The following ECE1 variants were observed in gnomAD, a reference collection of about 807,000 sequenced individuals.
ECE1 encodes the protein endothelin-converting enzyme 1.
ECE1 carries 35 observed loss-of-function variants against 98.6 expected under a neutral mutation model. That is an observed-to-expected ratio of 0.35 (90% CI 0.27 to 0.47). The LOEUF is 0.47. Among genes scored for constraint, ECE1 ranks in the 20% least tolerant of loss-of-function variants. The pLI is 1.00. For missense variants in ECE1, 814 were observed against 1,025.3 expected, an observed-to-expected ratio of 0.79 and a Z score of 2.81; for synonymous variants, 394 against 407.1, an observed-to-expected ratio of 0.97 and a Z score of 0.39.
chr1:21,330,810 G>A (rs748464461), intron 1 of ECE1, among the ~76,000 whole-genome samples: 1 of 152,082 alleles, frequency 6.6e-6, no homozygotes, highest in South Asian at 2.1e-4. Context: ...GTCCCTATCC[G>A]CTCACCCCTG....
chr1:21,283,425 C>T (rs2098257232), intron 2 of ECE1, among the ~76,000 whole-genome samples: 1 of 152,042 alleles, frequency 6.6e-6, no homozygotes, highest in African/African-American at 2.4e-5. Flanking sequence ...TGTCCGCCAC[C>T]ACGCCGGGCT....
chr1:21,251,733 C>A (rs1265604801), intron 8 of ECE1, among the ~76,000 whole-genome samples: 2 of 152,160 alleles, frequency 1.3e-5, no homozygotes, highest in African/African-American at 4.8e-5. Flanking sequence ...GGATCAGCAT[C>A]CCCAGGAGGA....
chr1:21,345,182 G>T lies in ECE1; in HGVS notation c.3+194C>A. 4.2e-6 allele frequency: 3 copies of T among 708,606 alleles called. No individual in the cohort carries two copies. Among genetic ancestry groups the T allele is most frequent in the Non-Finnish European group, 5.5e-6 (3 of 543,520 alleles). The allele number at this position is 708,606 out of a possible 1,614,324, so 43.9% of individuals were successfully genotyped here. On this transcript the variant is annotated intron_variant, in intron 1 of 18. Coordinates refer to the ECE1 transcript ENST00000415912. This position sits in a 1 kb window ranked among gnomAD's most constrained non-coding sequence, Gnocchi z 5.1. ...CGCCCCCGACGGGACCAAGCGCAGCGCCGCCGGGAGAGCCGCGCTCTGCCC... is the reference window on the plus strand; with the variant it reads ...CGCCCCCGACGGGACCAAGCGCAGCTCCGCCGGGAGAGCCGCGCTCTGCCC...
Position 21,220,034 on chromosome 1 carries a change from T to C in ECE1, c.2234A>G (p.Asn745Ser). 6.2e-7 allele frequency: 1 copy of C among 1,614,044 alleles called. No homozygotes were observed. The highest frequency in any genetic ancestry group is 8.5e-7 in the Non-Finnish European group (1 of 1,180,004). ...GAAGTGTTCTGAGAACTCCTTGGAA[T>C]TGGAGAGGGAGCCGATGACCCGGAA... Reference protein sequence around the residue: ...SRFRVIGSLSNSKEFSEHFRC... With the variant: ...SRFRVIGSLSSSKEFSEHFRC... Residue 745 changes from asparagine to serine, a missense_variant, in exon 19 of 19, where the codon AAT becomes AGT. This residue lies in a region of ECE1 where 452 missense variants were observed against 567.3 expected (regional missense o/e 0.80). Transcript: ENST00000374893. The surrounding 1 kb of genome is among the most constrained non-coding windows in gnomAD (Gnocchi z 5.0).
intron 14 of ECE1, among the ~76,000 whole-genome samples, chr1:21,229,425 A>G (rs1558369328): frequency 6.6e-6 from 1 of 151,886 alleles, no homozygotes; most frequent in East Asian, 1.9e-4. Context: ...CTTTCCTGGA[A>G]CCCTGTTGGT....
intron 4 of ECE1, among the ~76,000 whole-genome samples, chr1:21,263,080 A>G (rs2098229147): frequency 6.6e-6 from 1 of 152,200 alleles, no homozygotes. Flanking sequence ...AGGGAAGCCA[A>G]GCAAGGCCCC....
chr1:21,325,671 C>T (rs1639062661), intron 1 of ECE1, among the ~76,000 whole-genome samples: 1 of 152,254 alleles, frequency 6.6e-6, no homozygotes, highest in Non-Finnish European at 1.5e-5. Flanking sequence ...CAATAGGACC[C>T]ACTTCCTTGG....
At chr1:21,334,006 G>A (rs991726713) in intron 1 of ECE1, among the ~76,000 whole-genome samples, 58 of 152,262 alleles carry the variant, frequency 3.8e-4, no homozygotes, top group Admixed American at 1.4e-3. Context: ...GGAGAAAACC[G>A]AGGCTCAGAG....
chr1:21,240,460 C>A (rs2098194659), intron 10 of ECE1, among the ~76,000 whole-genome samples: 1 of 152,180 alleles, frequency 6.6e-6, no homozygotes, highest in Non-Finnish European at 1.5e-5. Context: ...GCACTCCAGC[C>A]TGGGTGACAG....
intron 1 of ECE1, among the ~76,000 whole-genome samples, chr1:21,308,737 T>TACTGGGTA (rs138426324): frequency 0.06 from 9,100 of 151,960 alleles, 944 homozygotes; most frequent in African/African-American, 0.21. Flanking sequence ...GGGGCTTGAG[T>TACTGGGTA]CTGGGTACTG....
At chr1:21,324,339 G>A (rs575344788) in intron 1 of ECE1, among the ~76,000 whole-genome samples, 1 of 152,342 alleles carries the variant, frequency 6.6e-6, no homozygotes, top group South Asian at 2.1e-4. Context: ...GAGGAAGCAG[G>A]GGGCAGAGGC....
In ECE1 at chr1:21,319,217, C is replaced by T. The variant is rs571302977; in HGVS notation, c.3+26159G>A. 1.4e-4 allele frequency among the ~76,000 whole-genome samples: 22 copies of T among 152,204 alleles called. No individual in the cohort carries two copies. Among genetic ancestry groups the T allele is most frequent in the Admixed American group, 1.3e-3 (20 of 15,290 alleles). On this transcript the variant is annotated intron_variant, in intron 1 of 18. Coordinates refer to the ECE1 transcript ENST00000415912. The surrounding 1 kb of genome is among the most constrained non-coding windows in gnomAD (Gnocchi z 4.4). ...AAAAGTAGCCAGGCGTGGTGGTGTGCGTCTATAATCCCAGCTACTTGGGAG... is the reference window on the plus strand; with the variant it reads ...AAAAGTAGCCAGGCGTGGTGGTGTGTGTCTATAATCCCAGCTACTTGGGAG...
chr1:21,344,588 C>T (rs1639461720), intron 1 of ECE1, among the ~76,000 whole-genome samples: 1 of 151,942 alleles, frequency 6.6e-6, no homozygotes, highest in Non-Finnish European at 1.5e-5. Context: ...CCCCAGGAAG[C>T]CCAGCCTGGA....
chr1:21,344,580 C>A (rs185635973), intron 1 of ECE1, among the ~76,000 whole-genome samples: 3 of 152,234 alleles, frequency 2.0e-5, no homozygotes, highest in African/African-American at 7.2e-5. Flanking sequence ...CAGCCCCCCC[C>A]CAGGAAGCCC....
intron 8 of ECE1, among the ~76,000 whole-genome samples, 174 bp from the exon 9 acceptor site, chr1:21,247,537 G>A (rs957236662): frequency 6.6e-6 from 1 of 152,154 alleles, no homozygotes. Flanking sequence ...AGATGCTGTA[G>A]GTAGAATTCT....
intron 1 of ECE1, among the ~76,000 whole-genome samples, chr1:21,334,151 G>T (rs1639261915): frequency 6.6e-6 from 1 of 152,088 alleles, no homozygotes; most frequent in South Asian, 2.1e-4. Flanking sequence ...TCTAGAATCA[G>T]GGTCTAAGTC....
At position 21,327,535 on chromosome 1, in the gene ECE1, C is replaced by A. The variant is rs1054634589; in HGVS notation, c.3+17841G>T. On this transcript the variant is annotated intron_variant, in intron 1 of 18. Coordinates refer to the ECE1 transcript ENST00000415912. This position sits in a 1 kb window ranked among gnomAD's most constrained non-coding sequence, Gnocchi z 4.6. ...ATCATCTTAGCTCCCTGCTGACACC[C>A]CTTCGAGAACCGGGAGACCTCCACC... Among the ~76,000 whole-genome samples the A allele has an allele frequency of 6.6e-6, 1 of 152,180 alleles. No homozygotes were observed. The highest frequency in any genetic ancestry group is 2.4e-5 in the African/African-American group (1 of 41,438).
upstream of ECE1, among the ~76,000 whole-genome samples, chr1:21,291,909 T>C (rs1189751471): frequency 6.6e-6 from 1 of 151,710 alleles, no homozygotes; most frequent in Non-Finnish European, 1.5e-5. Flanking sequence ...AGGCAGGAGA[T>C]CACTTGAGTC....
At chr1:21,329,377 C>A (rs1639147266) in intron 1 of ECE1, among the ~76,000 whole-genome samples, 1 of 152,184 alleles carries the variant, frequency 6.6e-6, no homozygotes, top group African/African-American at 2.4e-5. Context: ...AGGTGAGACT[C>A]ACCAGAAAGG....
Sources: gnomAD v4.1 joint callset for allele counts (sites outside exome capture counted in the v4.1 genomes callset) on GRCh38, gnomAD v4.1.1 for gene constraint, gnomAD v4.1.1 regional missense constraint, Gnocchi (gnomAD v3.1) non-coding constraint, MANE v1.5 for transcripts, NCBI Gene and HGNC (gene_info 2026-07-23, HGNC 2026-07-21) for gene names.